PLSCR4: variants seen among roughly 807,000 people sequenced by gnomAD.
The protein encoded by PLSCR4 is Ca(2+)-dependent phospholipid scramblase 4.
Under a neutral mutation model 36.3 loss-of-function variants are expected in PLSCR4, and 25 were observed. That is an observed-to-expected ratio of 0.69 (90% CI 0.50 to 0.96). The LOEUF (loss-of-function observed/expected upper bound fraction) is 0.96, where lower values mean the gene tolerates loss of function less well. Among genes scored for constraint, PLSCR4 ranks in the 40% least tolerant of loss-of-function variants. The pLI is 0.00. For missense variants in PLSCR4, 408 were observed against 414.7 expected (o/e 0.98, Z 0.14); for synonymous variants, 122 against 132.9 (o/e 0.92, Z 0.56).
At chr3:146,230,356 C>A (rs2035658562) in intron 1 of PLSCR4, among the ~76,000 whole-genome samples, 1 of 152,016 alleles carries the variant, frequency 6.6e-6, no homozygotes, top group South Asian at 2.1e-4. Context: ...AATAACTATT[C>A]TTAAAATTTT....
chr3:146,195,432 T>C (rs1047395622), intron 7 of PLSCR4, 150 bp from the exon 8 acceptor site: 3 of 650,370 alleles, frequency 4.6e-6, no homozygotes, highest in Middle Eastern at 6.6e-4. Flanking sequence ...CCAAAAAGGG[T>C]TAACTGCCTT....
intron 1 of PLSCR4, among the ~76,000 whole-genome samples, chr3:146,238,797 T>G (rs2036022951): frequency 6.6e-6 from 1 of 152,030 alleles, no homozygotes; most frequent in Non-Finnish European, 1.5e-5. Flanking sequence ...CCCAGAGTGA[T>G]TAGGTTAGAA....
chr3:146,201,835 A>G (rs991386765), intron 4 of PLSCR4, among the ~76,000 whole-genome samples: 1 of 152,102 alleles, frequency 6.6e-6, no homozygotes, highest in Non-Finnish European at 1.5e-5. Flanking sequence ...ATTATCTGTT[A>G]CATGTGAGAA....
intron 3 of PLSCR4, among the ~76,000 whole-genome samples, chr3:146,213,502 T>C (rs552172356): frequency 2.0e-5 from 3 of 152,060 alleles, no homozygotes; most frequent in Non-Finnish European, 4.4e-5. Flanking sequence ...TTTGTATTTT[T>C]AGTAGAGATG....
chr3:146,196,654 C>T lies in PLSCR4; in HGVS notation c.764G>A (p.Cys255Tyr), dbSNP rs1340197453. 6.2e-7 allele frequency: 1 copy of T among 1,613,804 alleles called. No individual in the cohort carries two copies. The highest frequency in any genetic ancestry group is 1.3e-5 in the African/African-American group (1 of 74,896). ...RVRGPCSTYG[C>Y]GSDSVFEVKS... is the part of the protein sequence containing the mutation. ...CACCTCAAAAACAGAATCTGAACCA[C>T]AGCCATAGGTTGAGCATGGCCCACG... Residue 255 changes from cysteine (C) to tyrosine (Y), a missense_variant, in exon 7 of 9, where the codon TGT becomes TAT. Cys to Tyr is a radical substitution (Grantham distance 194). Coordinates refer to ENST00000354952, the MANE Select transcript of PLSCR4 (RefSeq NM_020353.3).
At chr3:146,201,864 G>T (rs563844419) in intron 4 of PLSCR4, among the ~76,000 whole-genome samples, 1 of 152,118 alleles carries the variant, frequency 6.6e-6, no homozygotes, top group East Asian at 1.9e-4. Context: ...CAGAAGAAAA[G>T]AAACCTTCTT....
chr3:146,199,052 G>A (rs762636218), intron 6 of PLSCR4, among the ~76,000 whole-genome samples: 1 of 152,054 alleles, frequency 6.6e-6, no homozygotes, highest in Non-Finnish European at 1.5e-5. Flanking sequence ...GGAGACGGTT[G>A]TAAAAAATTA....
At chr3:146,219,605 A>G (rs747318924) in intron 3 of PLSCR4, among the ~76,000 whole-genome samples, 2 of 152,010 alleles carry the variant, frequency 1.3e-5, no homozygotes, top group Non-Finnish European at 2.9e-5. Flanking sequence ...AGCTGTATGG[A>G]TCATATGCCT....
chr3:146,250,184 C>A (rs1233987689), intron 1 of PLSCR4, among the ~76,000 whole-genome samples: 1 of 152,130 alleles, frequency 6.6e-6, no homozygotes, highest in African/African-American at 2.4e-5. Flanking sequence ...TATTTCACAG[C>A]TATCCATGAG....
At position 146,220,743 on chromosome 3, in the gene PLSCR4, C is replaced by G. The variant is rs922972499; in HGVS notation, c.118+72G>C. 30 of 967,976 alleles carry G rather than the reference C, an allele frequency of 3.1e-5. 5 individuals carry two copies. Among genetic ancestry groups the G allele is most frequent in the East Asian group, 2.6e-5 (1 of 38,602 alleles). The allele number at this position is 967,976 out of a possible 1,614,324, so 60.0% of individuals were successfully genotyped here. On this transcript the variant is annotated intron_variant, in intron 3 of 8. Transcript: ENST00000354952. ...TTAAATCAGTCAATTAATTTGTTCGCTTAAAAAGCAATTTTAATCATTAGT... is the reference window on the plus strand; with the variant it reads ...TTAAATCAGTCAATTAATTTGTTCGGTTAAAAAGCAATTTTAATCATTAGT...
intron 4 of PLSCR4, among the ~76,000 whole-genome samples, chr3:146,202,568 A>T (rs1041912756): frequency 6.6e-6 from 1 of 152,030 alleles, no homozygotes; most frequent in Admixed American, 6.6e-5. Flanking sequence ...CAGGGTGGTG[A>T]TTGCTGAAGC....
At chr3:146,209,966 T>C (rs866001322) in intron 3 of PLSCR4, among the ~76,000 whole-genome samples, 1 of 152,096 alleles carries the variant, frequency 6.6e-6, no homozygotes, top group Non-Finnish European at 1.5e-5. Flanking sequence ...GATTTCAGTA[T>C]AGTCGTCCCT....
At chr3:146,218,940 T>C (rs2035014140) in intron 3 of PLSCR4, among the ~76,000 whole-genome samples, 1 of 152,198 alleles carries the variant, frequency 6.6e-6, no homozygotes, top group African/African-American at 2.4e-5. Flanking sequence ...TGGGAACACA[T>C]ATCCAACACC....
chr3:146,200,057 T>C lies in PLSCR4; in HGVS notation c.398-18A>G, dbSNP rs886963612. 1.5e-6 allele frequency: 2 copies of C among 1,370,092 alleles called. No homozygotes were observed. Among genetic ancestry groups the C allele is most frequent in the African/African-American group, 1.4e-5 (1 of 69,796 alleles). 84.9% of individuals were successfully genotyped at this position (1,370,092 alleles called of 1,614,324 possible). On this transcript the variant is annotated intron_variant, in intron 5 of 8. Transcript: ENST00000354952. The stretch of plus-strand genomic sequence containing the variant: ...TGTCATCACTAAAAAATAAAATGAG[T>C]AAGTCTATATTAGAAACATTTAAAA...
At chr3:146,221,376 G>C (rs9854697) in intron 2 of PLSCR4, among the ~76,000 whole-genome samples, 39,924 of 151,962 alleles carry the variant, frequency 0.26, 6,449 homozygotes, top group Admixed American at 0.34. Context: ...AACAAATAAT[G>C]GTTTAATAAA....
chr3:146,198,866 G>C (rs1644233357), intron 6 of PLSCR4, among the ~76,000 whole-genome samples: 1 of 152,012 alleles, frequency 6.6e-6, no homozygotes, highest in African/African-American at 2.4e-5. Flanking sequence ...CACATATAAG[G>C]CTGTTATCAC....
chr3:146,195,223 C>G lies in PLSCR4; in HGVS notation c.846G>C (p.Leu282Phe). The G allele has an allele frequency of 6.2e-7, 1 of 1,613,638 alleles. No homozygotes were observed. The highest frequency in any genetic ancestry group is 8.5e-7 in the Non-Finnish European group (1 of 1,179,614). Reference protein sequence around the residue: ...IGSIIRKWNGLLSAMADADHF... With the variant: ...IGSIIRKWNGFLSAMADADHF... ...GGTCAGCATCTGCCATTGCTGATAA[C>G]AAACCATTCCACTTCCGGATAATAC... Residue 282 changes from leucine to phenylalanine, a missense_variant, in exon 8 of 9, where the codon TTG becomes TTC. Leu to Phe is a conservative substitution (Grantham distance 22). Coordinates refer to ENST00000354952, the MANE Select transcript of PLSCR4 (RefSeq NM_020353.3).
chr3:146,206,605 T>C lies in PLSCR4; in HGVS notation c.275A>G (p.Asn92Ser), dbSNP rs1227007307. Residue 92 changes from asparagine (N) to serine (S), a missense_variant, in exon 4 of 9, where the codon AAT becomes AGT. Physicochemically the swap from Asn to Ser is conservative, Grantham distance 46. Transcript: ENST00000354952. ...CATCCATGTTATTGGAACAGACTGA[T>C]TTGGCATAGGATATTTGCCAGGCTG... ...RYQPGKYPMP[N>S]QSVPITWMPG... 6.2e-7 allele frequency: 1 copy of C among 1,613,618 alleles called. No homozygotes were observed. The highest frequency in any genetic ancestry group is 8.5e-7 in the Non-Finnish European group (1 of 1,179,712).
chr3:146,240,584 C>G (rs2036109615), intron 1 of PLSCR4, among the ~76,000 whole-genome samples: 1 of 152,172 alleles, frequency 6.6e-6, no homozygotes, highest in Non-Finnish European at 1.5e-5. Flanking sequence ...GCCTGGGTGA[C>G]AGAGCAAGAT....
Sources: allele counts gnomAD v4.1 joint callset (sites outside exome capture counted in the v4.1 genomes callset), GRCh38; gene constraint gnomAD v4.1.1; transcripts MANE v1.5; gene names NCBI Gene and HGNC (gene_info 2026-07-23, HGNC 2026-07-21).